Variants in RIMBP2 observed in about 807,000 individuals in gnomAD.
The protein encoded by RIMBP2 is RIMS-binding protein 2.
Under a neutral mutation model 118.6 loss-of-function variants are expected in RIMBP2, and 48 were observed. The observed-to-expected ratio is 0.40, with a 90% CI of 0.32 to 0.51. The LOEUF is 0.51. Among genes scored for constraint, RIMBP2 ranks in the 20% least tolerant of loss-of-function variants. The pLI is 0.41. For synonymous variants in RIMBP2, 762 were observed against 742.9 expected (o/e 1.03, Z -0.42); for missense variants, 1,551 against 1,768.3 (o/e 0.88, Z 2.20).
At chr12:130,655,720 T>G (rs2063400351) in intron 1 of RIMBP2, among the ~76,000 whole-genome samples, 1 of 152,210 alleles carries the variant, frequency 6.6e-6, no homozygotes. Context: ...CAGATACATA[T>G]GTGCACACAC....
intron 1 of RIMBP2, among the ~76,000 whole-genome samples, chr12:130,699,926 A>G (rs12302860): frequency 0.027 from 4,027 of 150,188 alleles, 202 homozygotes; most frequent in African/African-American, 0.093. Flanking sequence ...AAAAAAAAAA[A>G]AAAGAAATAC....
rs1287871293 is a variant in RIMBP2 at position 130,422,805 on chromosome 12, G to C, written c.3130-244C>G. On this transcript the variant is annotated intron_variant, in intron 16 of 22. Coordinates refer to ENST00000690449, the MANE Select transcript of RIMBP2 (RefSeq NM_001393629.1). The surrounding 1 kb of genome is among the most constrained non-coding windows in gnomAD (Gnocchi z 5.2). The stretch of plus-strand genomic sequence containing the variant: ...GGCAAAAATAATTCCTTGTGGGGGG[G>C]TCTCTTTTGGTTGCTGCTGCTGGTG... 6.6e-6 allele frequency among the ~76,000 whole-genome samples: 1 copy of C among 152,166 alleles called. No individual in the cohort carries two copies. Among genetic ancestry groups the C allele is most frequent in the African/African-American group, 2.4e-5 (1 of 41,430 alleles).
chr12:130,454,595 G>A (rs557608475), intron 7 of RIMBP2, among the ~76,000 whole-genome samples: 1 of 152,266 alleles, frequency 6.6e-6, no homozygotes, highest in African/African-American at 2.4e-5. Flanking sequence ...TCATTAGGAG[G>A]GTGCGTCTTC....
At chr12:130,697,327 G>A (rs1449092242) in intron 1 of RIMBP2, among the ~76,000 whole-genome samples, 1 of 152,220 alleles carries the variant, frequency 6.6e-6, no homozygotes, top group Admixed American at 6.5e-5. Context: ...CTCAGGACCA[G>A]CCTGAGTAAC....
At chr12:130,573,139 T>C (rs540450446) in intron 2 of RIMBP2, among the ~76,000 whole-genome samples, 2 of 152,298 alleles carry the variant, frequency 1.3e-5, no homozygotes, top group African/African-American at 4.8e-5. Context: ...AGGCCCCCTA[T>C]AGCAATGGCT....
At position 130,515,380 on chromosome 12, in the gene RIMBP2, C is replaced by A. The variant is rs114281652; in HGVS notation, c.-127+2448G>T. On this transcript the variant is annotated intron_variant, in intron 3 of 22. Transcript: ENST00000690449. ...ATTAAACAGCATCTCCCTATCCCCC[C>A]TCTACCCAGCCCCTGGCACCTCCAT... is the stretch of plus-strand genomic sequence containing the variant. 2.9e-3 allele frequency among the ~76,000 whole-genome samples: 434 copies of A among 152,266 alleles called. 1 individual carries two copies. The highest frequency in any genetic ancestry group is 1.0e-2 in the African/African-American group (415 of 41,562).
intron 14 of RIMBP2, chr12:130,430,177 G>T (rs1051595639): frequency 6.6e-6 from 1 of 152,300 alleles, no homozygotes; most frequent in Non-Finnish European, 1.5e-5. Flanking sequence ...TGGGACCAGG[G>T]TCCAGGTCTG....
intron 11 of RIMBP2, 67 bp downstream of exon 11, chr12:130,441,781 C>G: frequency 7.1e-7 from 1 of 1,412,344 alleles, no homozygotes; most frequent in Non-Finnish European, 9.7e-7. Flanking sequence ...CACCTTCCCT[C>G]CCCACTAGCA....
chr12:130,471,673 A>G (rs992818491), intron 5 of RIMBP2: 2 of 152,338 alleles, frequency 1.3e-5, no homozygotes, highest in African/African-American at 4.8e-5. Context: ...CACTTCGGCC[A>G]CAGGGAATCT....
At chr12:130,512,134 G>A (rs563827048) in intron 3 of RIMBP2, among the ~76,000 whole-genome samples, 2 of 152,272 alleles carry the variant, frequency 1.3e-5, no homozygotes, top group South Asian at 2.1e-4. Context: ...AAATGCTGGC[G>A]CCTGGGGCCG....
At chr12:130,428,473 G>T in intron 14 of RIMBP2, 136 bp from the exon 15 acceptor site, 1 of 817,352 alleles carries the variant, frequency 1.2e-6, no homozygotes, top group Non-Finnish European at 1.9e-6. Context: ...CACAGGGTGT[G>T]TGTTACTCGT....
rs552499615 is a variant in RIMBP2 at position 130,523,257 on chromosome 12, G to A, written c.-216-5340C>T. ...TCTGTCCCCTACCCACTACCTGGCC[G>A]TGTGAGGACACAGTGAGAAAACAGC... On this transcript the variant is annotated intron_variant, in intron 2 of 22. Transcript: ENST00000690449. This position sits in a 1 kb window ranked among gnomAD's most constrained non-coding sequence, Gnocchi z 4.4. Among the ~76,000 whole-genome samples the A allele has an allele frequency of 2.8e-4, 43 of 152,224 alleles. No homozygotes were observed. Among genetic ancestry groups the A allele is most frequent in the Middle Eastern group, 3.4e-3 (1 of 294 alleles).
chr12:130,650,961 A>T (rs574034161), intron 1 of RIMBP2, among the ~76,000 whole-genome samples: 11 of 145,988 alleles, frequency 7.5e-5, no homozygotes, highest in African/African-American at 2.8e-4. Flanking sequence ...TTTTTTTTAA[A>T]AAAAAAAAAA....
intron 2 of RIMBP2, among the ~76,000 whole-genome samples, chr12:130,552,099 G>A (rs140897508): frequency 2.4e-4 from 36 of 152,286 alleles, no homozygotes; most frequent in Middle Eastern, 3.4e-3. Flanking sequence ...AGATGCATTC[G>A]CTAGTATGAT....
rs181030410 is a variant in RIMBP2 at position 130,481,117 on chromosome 12, G to A, written c.-3-2101C>T. ...GAGGGCGGGGGGCACCCAGGCTCAGGGGGAGGGGTGTGGCCCCTCGGGAGG... is the reference window on the plus strand; with the variant it reads ...GAGGGCGGGGGGCACCCAGGCTCAGAGGGAGGGGTGTGGCCCCTCGGGAGG... On this transcript the variant is annotated intron_variant, in intron 4 of 22. Coordinates refer to ENST00000690449, the MANE Select transcript of RIMBP2 (RefSeq NM_001393629.1). Among the ~76,000 whole-genome samples, 441 of 149,316 alleles carry A rather than the reference G, an allele frequency of 3.0e-3. 1 individual carries two copies. The highest frequency in any genetic ancestry group is 0.027 in the Admixed American group (385 of 14,362).
chr12:130,571,896 C>G (rs931747517), intron 2 of RIMBP2, among the ~76,000 whole-genome samples: 8 of 152,182 alleles, frequency 5.3e-5, no homozygotes, highest in Admixed American at 3.9e-4. Context: ...ACATGCTGCC[C>G]CTTCCCACCT....
chr12:130,611,345 C>T (rs1394255172), intron 2 of RIMBP2, among the ~76,000 whole-genome samples: 1 of 152,268 alleles, frequency 6.6e-6, no homozygotes, highest in Non-Finnish European at 1.5e-5. Context: ...ACGTCCCTCC[C>T]GTAAAGGATC....
chr12:130,440,356 T>A (rs1249824476), intron 11 of RIMBP2, among the ~76,000 whole-genome samples: 1 of 152,140 alleles, frequency 6.6e-6, no homozygotes, highest in Admixed American at 6.5e-5. Context: ...CTGACCTACA[T>A]GTGATTGTCC....
chr12:130,703,424 AT>A lies in RIMBP2; in HGVS notation c.-352+12797del, dbSNP rs1484712806. Among the ~76,000 whole-genome samples, 2 of 152,226 alleles carry A rather than the reference AT, an allele frequency of 1.3e-5. No homozygotes were observed. Among genetic ancestry groups the A allele is most frequent in the Non-Finnish European group, 2.9e-5 (2 of 68,042 alleles). On this transcript the variant is annotated intron_variant, in intron 1 of 22. Transcript: ENST00000690449. This position sits in a 1 kb window ranked among gnomAD's most constrained non-coding sequence, Gnocchi z 5.7. Reference sequence around the variant, plus strand: ...AGAACTGTGGTGGGAAGAGTGCTGTATTCTCAAACGATCACTGTTTTTTAAA... The same window carrying A: ...AGAACTGTGGTGGGAAGAGTGCTGTATCTCAAACGATCACTGTTTTTTAAA...
Sources: allele counts gnomAD v4.1 joint callset (sites outside exome capture counted in the v4.1 genomes callset), GRCh38; gene constraint gnomAD v4.1.1; non-coding constraint Gnocchi (gnomAD v3.1); transcripts MANE v1.5; gene names NCBI Gene and HGNC (gene_info 2026-07-23, HGNC 2026-07-21).